Variants in ARFGAP3 observed in about 807,000 individuals in gnomAD.
The protein encoded by ARFGAP3 is ADP-ribosylation factor GTPase-activating protein 3.
Under a neutral mutation model 75.0 loss-of-function variants are expected in ARFGAP3, and 72 were observed. The ratio of observed to expected loss-of-function variants is 0.96; its 90% CI spans 0.79 to 1.17. ARFGAP3 has a LOEUF of 1.17. Ranked by LOEUF, ARFGAP3 falls within the 50% of genes most tolerant of loss-of-function variation. The pLI is 0.00. For missense variants in ARFGAP3, 620 were observed against 626.6 expected (o/e 0.99, Z 0.11); for synonymous variants, 221 against 217.9 (o/e 1.01, Z -0.13).
In ARFGAP3 at chr22:42,807,078, GGCT is replaced by G. The variant is rs746468783; in HGVS notation, c.1403_1405del (p.Gln468del). The G allele has an allele frequency of 6.2e-7, 1 of 1,610,302 alleles. No homozygotes were observed. Among genetic ancestry groups the G allele is most frequent in the Non-Finnish European group, 8.5e-7 (1 of 1,178,376 alleles). ...TCTTGTTCAGTGCCCCCTACCTGCT[GGCT>G]GCTTCCTCGGCTCCTCGAACAGATC... On this transcript the variant is annotated inframe_deletion, in exon 14 of 16. Coordinates refer to ENST00000263245, the MANE Select transcript of ARFGAP3 (RefSeq NM_014570.5).
At chr22:42,824,504 A>C (rs1012670482) in intron 7 of ARFGAP3, among the ~76,000 whole-genome samples, 1 of 148,218 alleles carries the variant, frequency 6.7e-6, no homozygotes, top group Non-Finnish European at 1.5e-5. Flanking sequence ...CTACAGGCAT[A>C]TGCCACCATG....
At chr22:42,822,539 T>C in intron 8 of ARFGAP3, 130 bp from the exon 9 acceptor site, 1 of 1,089,410 alleles carries the variant, frequency 9.2e-7, no homozygotes, top group Non-Finnish European at 1.3e-6. Flanking sequence ...TGTGGCTTAG[T>C]CCTCAGAACT....
chr22:42,852,822 T>A (rs912421613), intron 1 of ARFGAP3, among the ~76,000 whole-genome samples: 1 of 152,196 alleles, frequency 6.6e-6, no homozygotes, highest in African/African-American at 2.4e-5. Flanking sequence ...TGGAGTGCAG[T>A]GGCGTGACCT....
chr22:42,798,683 C>T (rs1039183123), intron 15 of ARFGAP3, among the ~76,000 whole-genome samples: 2 of 152,162 alleles, frequency 1.3e-5, no homozygotes. Flanking sequence ...GAAAAATATC[C>T]TTAGAAATCT....
intron 2 of ARFGAP3, among the ~76,000 whole-genome samples, chr22:42,844,846 A>C (rs1261643073): frequency 6.6e-6 from 1 of 152,200 alleles, no homozygotes; most frequent in African/African-American, 2.4e-5. Flanking sequence ...TTGTATCATG[A>C]ATTTTAATTG....
At chr22:42,849,465 T>TATGGC (rs1477169793) in intron 1 of ARFGAP3, among the ~76,000 whole-genome samples, 2 of 111,622 alleles carry the variant, frequency 1.8e-5, no homozygotes, top group Non-Finnish European at 4.2e-5. Flanking sequence ...TTTGCTAATC[T>TATGGC]TTATGGCTTT....
At chr22:42,798,939 T>C in intron 15 of ARFGAP3, 100 bp downstream of exon 15, 7 of 963,898 alleles carry the variant, frequency 7.3e-6, no homozygotes, top group East Asian at 4.8e-5. Context: ...TCCAATAATA[T>C]ATAATTGAAT....
intron 1 of ARFGAP3, among the ~76,000 whole-genome samples, chr22:42,854,957 T>A (rs1047779644): frequency 1.3e-5 from 2 of 152,084 alleles, no homozygotes; most frequent in African/African-American, 4.8e-5. Flanking sequence ...TTACAGAATA[T>A]AAATTTTTCA....
intron 14 of ARFGAP3, among the ~76,000 whole-genome samples, chr22:42,800,542 CAGAA>C (rs1012194963): frequency 5.3e-5 from 8 of 152,072 alleles, no homozygotes; most frequent in African/African-American, 2.4e-5. Flanking sequence ...AAAACAAAAA[CAGAA>C]AGCCTTGGTC....
intron 1 of ARFGAP3, 187 bp from the exon 2 acceptor site, chr22:42,847,819 A>ATAT: frequency 5.3e-6 from 1 of 189,098 alleles, no homozygotes; most frequent in Non-Finnish European, 9.6e-6. Flanking sequence ...TTTTATTATT[A>ATAT]TATATAATTA....
Position 42,826,549 on chromosome 22 carries a change from T to TTTGTTG in ARFGAP3, c.625+385_625+390dup, listed in dbSNP as rs552674646. ...TGTGTGCCACCACACTCAGGTAATTTTTGTTGTTGTTGTTGTTGTTGTTGT... is the reference window on the plus strand; with the variant it reads ...TGTGTGCCACCACACTCAGGTAATTTTTGTTGTTGTTGTTGTTGTTGTTGTTGTTGT... On this transcript the variant is annotated intron_variant, in intron 7 of 15. Transcript: ENST00000263245. Among the ~76,000 whole-genome samples the TTTGTTG allele has an allele frequency of 4.2e-4, 63 of 151,430 alleles. 1 individual carries two copies. Among genetic ancestry groups the TTTGTTG allele is most frequent in the Middle Eastern group, 3.4e-3 (1 of 292 alleles).
At position 42,847,376 on chromosome 22, in the gene ARFGAP3, G is replaced by A. The variant is rs140707913; in HGVS notation, c.188+138C>T. 3.9e-4 allele frequency: 272 copies of A among 688,862 alleles called. 1 individual carries two copies. The African/African-American group carries it at 4.5e-3, about 11-fold the overall frequency. 42.7% of individuals were successfully genotyped at this position (688,862 alleles called of 1,614,324 possible). A position where few individuals can be genotyped will look rare whatever the true frequency, so the allele number is the denominator to read the frequency against. Reference sequence around the variant, plus strand: ...GGCTGAGTTCACTTGAGCCCAGTGAGCTATGATGGCACTCCTGCAGCCAAG... The same window carrying A: ...GGCTGAGTTCACTTGAGCCCAGTGAACTATGATGGCACTCCTGCAGCCAAG... On this transcript the variant is annotated intron_variant, in intron 2 of 15. Coordinates refer to ENST00000263245, the MANE Select transcript of ARFGAP3 (RefSeq NM_014570.5).
At chr22:42,854,886 T>C (rs938277730) in intron 1 of ARFGAP3, among the ~76,000 whole-genome samples, 5 of 152,236 alleles carry the variant, frequency 3.3e-5, no homozygotes, top group African/African-American at 9.6e-5. Context: ...CCAAGAAATA[T>C]AGCACATTAC....
intron 14 of ARFGAP3, among the ~76,000 whole-genome samples, chr22:42,803,883 TTCCC>T (rs971049990): frequency 6.7e-5 from 10 of 150,028 alleles, no homozygotes; most frequent in Admixed American, 3.3e-4. Flanking sequence ...CCTTCCTTCC[TTCCC>T]TCCCTCCTTC....
chr22:42,822,410 CTAGAACAT>C lies in ARFGAP3; in HGVS notation c.673-9_673-2del, dbSNP rs752471315. On this transcript the variant is annotated splice_acceptor_variant and splice_polypyrimidine_tract_variant and intron_variant, in intron 8 of 15. Transcript: ENST00000263245. LOFTEE classifies it high-confidence loss of function. ...CCAAACTTCCTTTTTTGGCCCCAAG[CTAGAACAT>C]ATATAAGACTATAGTCTACACGAGC... 7 of 1,613,610 alleles carry C rather than the reference CTAGAACAT, an allele frequency of 4.3e-6. No homozygotes were observed. Among genetic ancestry groups the C allele is most frequent in the Non-Finnish European group, 5.9e-6 (7 of 1,179,920 alleles).
chr22:42,800,112 C>G (rs930592503), intron 14 of ARFGAP3, among the ~76,000 whole-genome samples: 2 of 152,204 alleles, frequency 1.3e-5, no homozygotes, highest in African/African-American at 2.4e-5. Context: ...TCATAAACTT[C>G]TGTGTCACAA....
chr22:42,844,863 T>C (rs1267110409), intron 2 of ARFGAP3, among the ~76,000 whole-genome samples: 1 of 152,208 alleles, frequency 6.6e-6, no homozygotes, highest in African/African-American at 2.4e-5. Flanking sequence ...ATTGCTGTTT[T>C]TGAATCATTT....
At chr22:42,816,319 A>T (rs1180721048) in intron 11 of ARFGAP3, among the ~76,000 whole-genome samples, 3 of 152,226 alleles carry the variant, frequency 2.0e-5, no homozygotes, top group Non-Finnish European at 4.4e-5. Context: ...AGGAAGCTAT[A>T]GCACAAAGAA....
chr22:42,817,352 C>T (rs1925623399), intron 10 of ARFGAP3, 88 bp from the exon 11 acceptor site: 1 of 1,486,588 alleles, frequency 6.7e-7, no homozygotes, highest in African/African-American at 1.4e-5. Flanking sequence ...ATGTTTTGAA[C>T]AAAGACAAAT....
Sources: gnomAD v4.1 joint callset for allele counts (sites outside exome capture counted in the v4.1 genomes callset) on GRCh38, gnomAD v4.1.1 for gene constraint, MANE v1.5 for transcripts, NCBI Gene and HGNC (gene_info 2026-07-23, HGNC 2026-07-21) for gene names.